Variants in DSCAML1 observed in about 807,000 individuals in gnomAD.
The protein encoded by DSCAML1 is DS cell adhesion molecule like 1, also known as cell adhesion molecule DSCAML1.
A neutral mutation model predicts 200.5 loss-of-function variants in DSCAML1; 38 were observed. The ratio of observed to expected loss-of-function variants is 0.19; its 90% confidence interval spans 0.15 to 0.25. The LOEUF is 0.25. Ranked by LOEUF, DSCAML1 falls within the 10% of genes least tolerant of loss-of-function variation. The probability of loss-of-function intolerance (pLI) is 1.00; values close to 1 mark genes in which losing one functional copy is unlikely to be tolerated. For synonymous variants in DSCAML1, 1,215 were observed against 1,165.0 expected (o/e 1.04, Z -0.87); for missense variants, 2,223 against 2,858.8 (o/e 0.78, Z 5.07).
chr11:117,716,690 T>TA (rs2053956903), intron 3 of DSCAML1, among the ~76,000 whole-genome samples: 1 of 152,164 alleles, frequency 6.6e-6, no homozygotes, highest in African/African-American at 2.4e-5. Flanking sequence ...AAGAATGGCT[T>TA]TTATATGGTT....
At chr11:117,721,789 TATG>T (rs1463981822) in intron 3 of DSCAML1, among the ~76,000 whole-genome samples, 10 of 147,380 alleles carry the variant, frequency 6.8e-5, no homozygotes, top group African/African-American at 2.2e-4. Context: ...ATATGATATA[TATG>T]ATATGTACAT....
At chr11:117,574,900 C>T (rs2050906030) in intron 3 of DSCAML1, among the ~76,000 whole-genome samples, 1 of 152,170 alleles carries the variant, frequency 6.6e-6, no homozygotes, top group Admixed American at 6.5e-5. Context: ...GTTACTAGAA[C>T]AGAAATCCTG....
chr11:117,501,603 G>A (rs1297042747), intron 11 of DSCAML1, among the ~76,000 whole-genome samples: 1 of 152,086 alleles, frequency 6.6e-6, no homozygotes, highest in Non-Finnish European at 1.5e-5. Flanking sequence ...GAGTGGGGCC[G>A]GAATGGGAGG....
At chr11:117,567,380 T>C (rs2050776332) in intron 3 of DSCAML1, among the ~76,000 whole-genome samples, 1 of 152,174 alleles carries the variant, frequency 6.6e-6, no homozygotes, top group Non-Finnish European at 1.5e-5. Context: ...ATGTCTTCTT[T>C]TGAGAAGTGT....
Position 117,437,825 on chromosome 11 carries a change from T to C in DSCAML1, c.4432+70A>G. 2.4e-6 allele frequency: 3 copies of C among 1,274,556 alleles called. No homozygotes were observed. Among genetic ancestry groups the C allele is most frequent in the Admixed American group, 2.2e-5 (1 of 44,640 alleles). 79.0% of individuals were successfully genotyped at this position (1,274,556 alleles called of 1,614,324 possible). On this transcript the variant is annotated intron_variant, in intron 25 of 32. Transcript: ENST00000651296. The surrounding 1 kb of genome is among the most constrained non-coding windows in gnomAD (Gnocchi z 5.3). The stretch of plus-strand genomic sequence containing the variant: ...CCCACCCCAGCCACCTTACACCCCA[T>C]ACCTGGCCCCTCTAGCCCACCCTCC...
Position 117,481,176 on chromosome 11 carries a change from T to A in DSCAML1, c.2654A>T (p.Gln885Leu). Reference sequence around the variant, plus strand: ...AAGGGTGGGGCAGGTGAAGGTACCTTGCACAGTGAGTTGGATCAAGCCCCG... The same window carrying A: ...AAGGGTGGGGCAGGTGAAGGTACCTAGCACAGTGAGTTGGATCAAGCCCCG... ...EDRGLIQLTV[Q>L]EPPDPPELEI... The change falls in exon 13 of 33, where the codon CAA becomes CTA. Residue 885 changes from glutamine to leucine, a missense_variant and splice_region_variant. Around this residue, in one of 7 missense-constraint regions of DSCAML1, gnomAD observed 438 missense variants for 629.7 expected, o/e 0.70. Coordinates refer to ENST00000651296, the MANE Select transcript of DSCAML1 (RefSeq NM_020693.4). 1.9e-6 allele frequency: 3 copies of A among 1,613,594 alleles called. No homozygotes were observed. The highest frequency in any genetic ancestry group is 2.5e-6 in the Non-Finnish European group (3 of 1,179,834).
chr11:117,515,367 C>T (rs548138275), intron 8 of DSCAML1, among the ~76,000 whole-genome samples: 2 of 152,302 alleles, frequency 1.3e-5, no homozygotes, highest in South Asian at 2.1e-4. Flanking sequence ...AGGCCACCCT[C>T]CTGTCACACA....
chr11:117,496,914 C>T (rs1019428582), intron 11 of DSCAML1, among the ~76,000 whole-genome samples: 1 of 152,206 alleles, frequency 6.6e-6, no homozygotes, highest in Admixed American at 6.5e-5. Flanking sequence ...GTACAAACGT[C>T]CACTTTGGGG....
intron 3 of DSCAML1, among the ~76,000 whole-genome samples, chr11:117,666,460 T>C (rs940783533): frequency 1.8e-4 from 27 of 152,204 alleles, no homozygotes; most frequent in African/African-American, 6.0e-4. Context: ...GTCTTATCCC[T>C]GGTTTGACTT....
At chr11:117,806,053 T>C (rs549945061) in intron 1 of DSCAML1, among the ~76,000 whole-genome samples, 70 of 152,312 alleles carry the variant, frequency 4.6e-4, no homozygotes, top group Middle Eastern at 3.4e-3. Context: ...CCCTGTTGCC[T>C]TCAGACTCTT....
At chr11:117,517,470 A>C (rs1057094063) in intron 7 of DSCAML1, among the ~76,000 whole-genome samples, 1 of 152,200 alleles carries the variant, frequency 6.6e-6, no homozygotes, top group South Asian at 2.1e-4. Context: ...TGAGGGGCCC[A>C]ACTGGGAAAT....
intron 3 of DSCAML1, among the ~76,000 whole-genome samples, chr11:117,748,255 G>A (rs1026084658): frequency 7.2e-5 from 11 of 152,180 alleles, no homozygotes; most frequent in South Asian, 2.1e-4. Flanking sequence ...GACACACTCC[G>A]TAATGGTGAG....
At chr11:117,725,680 A>G (rs1427006630) in intron 3 of DSCAML1, among the ~76,000 whole-genome samples, 1 of 19,844 alleles carries the variant, frequency 5.0e-5, no homozygotes, top group African/African-American at 6.3e-5. Context: ...AGGAGGAGGG[A>G]GGCCGGGCCT....
At chr11:117,785,502 C>G (rs922527444) in intron 1 of DSCAML1, among the ~76,000 whole-genome samples, 2 of 151,870 alleles carry the variant, frequency 1.3e-5, no homozygotes, top group Non-Finnish European at 2.9e-5. Flanking sequence ...GGGAGAAGAG[C>G]TGAAACCAGC....
intron 3 of DSCAML1, among the ~76,000 whole-genome samples, chr11:117,762,634 G>A (rs61903858): frequency 0.057 from 8,655 of 152,138 alleles, 344 homozygotes; most frequent in African/African-American, 0.098. Flanking sequence ...AGGTGGAGGC[G>A]GGTGGATCAC....
chr11:117,445,430 T>C (rs368817690), intron 20 of DSCAML1, among the ~76,000 whole-genome samples: 244 of 152,360 alleles, frequency 1.6e-3, no homozygotes, highest in African/African-American at 5.1e-3. Context: ...GTCGTTGATA[T>C]GTGCTTGAAG....
At chr11:117,768,003 A>T (rs905266562) in intron 3 of DSCAML1, among the ~76,000 whole-genome samples, 10 of 152,074 alleles carry the variant, frequency 6.6e-5, no homozygotes, top group Non-Finnish European at 1.5e-4. Context: ...ACTAAGCCAC[A>T]CTGCCTCTGT....
chr11:117,583,747 C>T (rs1269265783), intron 3 of DSCAML1, among the ~76,000 whole-genome samples: 2 of 152,206 alleles, frequency 1.3e-5, no homozygotes. Flanking sequence ...ATTGTCCTGC[C>T]CTCTCTGCAT....
At chr11:117,718,180 C>T (rs2053984523) in intron 3 of DSCAML1, among the ~76,000 whole-genome samples, 1 of 152,220 alleles carries the variant, frequency 6.6e-6, no homozygotes, top group Non-Finnish European at 1.5e-5. Context: ...TGGGGCATTG[C>T]CGCGCCGGCT....
Sources: gnomAD v4.1 joint callset for allele counts (sites outside exome capture counted in the v4.1 genomes callset) on GRCh38, gnomAD v4.1.1 for gene constraint, gnomAD v4.1.1 regional missense constraint, Gnocchi (gnomAD v3.1) non-coding constraint, MANE v1.5 for transcripts, NCBI Gene and HGNC (gene_info 2026-07-23, HGNC 2026-07-21) for gene names.